Variants in METAP2 observed in about 807,000 individuals in gnomAD.
METAP2 encodes the protein methionyl aminopeptidase 2.
Under a neutral mutation model 59.4 loss-of-function variants are expected in METAP2, and 25 were observed. That is an observed-to-expected ratio of 0.42 (90% CI 0.31 to 0.59). METAP2 has a LOEUF of 0.59. Among genes scored for constraint, METAP2 ranks in the 20% least tolerant of loss-of-function variants. The pLI is 0.16. For missense variants in METAP2, 366 were observed against 581.2 expected (o/e 0.63, Z 3.81); for synonymous variants, 214 against 194.1 (o/e 1.10, Z -0.85).
chr12:95,478,474 T>C (rs544444534), intron 2 of METAP2, among the ~76,000 whole-genome samples: 2 of 151,990 alleles, frequency 1.3e-5, no homozygotes, highest in South Asian at 4.2e-4. Flanking sequence ...CTACTAAAAA[T>C]ACAAAAAATT....
In METAP2 at chr12:95,511,969, G is replaced by A. The variant is rs778521665; in HGVS notation, c.1039G>A (p.Val347Met). The change falls in exon 9 of 11, where the codon GTG becomes ATG. Residue 347 changes from valine (V) to methionine (M), a missense_variant. By Grantham distance (21) the Val-to-Met change is conservative. Around this residue, in one of 4 missense-constraint regions of METAP2, gnomAD observed 1 missense variants for 22.7 expected, o/e 0.04. Transcript: ENST00000323666. ...RIHAGKTVPI[V>M]KGGEATRMEE... is the part of the protein sequence containing the mutation. ...ACATGCTGGAAAAACAGTGCCGATT[G>A]TGAAAGGAGGGGAGGCAACAAGAAT... 1 of 1,613,138 alleles carries A rather than the reference G, an allele frequency of 6.2e-7. No homozygotes were observed. The highest frequency in any genetic ancestry group is 1.3e-5 in the African/African-American group (1 of 74,866).
chr12:95,488,538 A>AAAAAAAAAAAC (rs2076214841), intron 4 of METAP2, among the ~76,000 whole-genome samples: 1 of 148,664 alleles, frequency 6.7e-6, no homozygotes, highest in African/African-American at 2.5e-5. Context: ...AAAAAAAAAA[A>AAAAAAAAAAAC]ATACTTCTGA....
intron 3 of METAP2, chr12:95,484,983 C>T: frequency 7.1e-6 from 3 of 425,226 alleles, no homozygotes; most frequent in African/African-American, 2.1e-5. Context: ...TGTAACAAGC[C>T]AAATAATATA....
intron 6 of METAP2, 35 bp downstream of exon 6, chr12:95,495,173 C>T: frequency 6.5e-7 from 1 of 1,549,740 alleles, no homozygotes; most frequent in South Asian, 1.2e-5. Flanking sequence ...CCCCAGCCTC[C>T]TCCTGAAAAA....
At chr12:95,496,133 A>G (rs1439044612) in intron 7 of METAP2, 35 bp downstream of exon 7, 2 of 1,396,952 alleles carry the variant, frequency 1.4e-6, no homozygotes, top group African/African-American at 1.4e-5. Flanking sequence ...CATTCCCAAT[A>G]TTTTGAGCAC....
In METAP2 at chr12:95,506,795, C is replaced by CTTCT. The variant is rs142865586; in HGVS notation, c.964+2636_964+2637insCTTT. 3.3e-3 allele frequency among the ~76,000 whole-genome samples: 479 copies of CTTCT among 147,334 alleles called. 2 individuals carry two copies. Among genetic ancestry groups the CTTCT allele is most frequent in the African/African-American group, 0.012 (467 of 39,978 alleles). ...GTGAACACAAGTGCAAAGCAGAATA[C>CTTCT]TTATTTATTTATTTATTTATTTATT... is the stretch of plus-strand genomic sequence containing the variant. On this transcript the variant is annotated intron_variant, in intron 8 of 10. Transcript: ENST00000323666.
In METAP2 at chr12:95,474,157, T is replaced by G; in HGVS notation, c.-23T>G. 1.9e-6 allele frequency: 3 copies of G among 1,612,310 alleles called. No homozygotes were observed. The highest frequency in any genetic ancestry group is 2.5e-6 in the Non-Finnish European group (3 of 1,179,256). On this transcript the variant is annotated 5_prime_UTR_variant, in exon 1 of 11. The change creates a new upstream start codon in the 5' untranslated region. Transcript: ENST00000323666. ...CGGGGCCCTCGCCGCTCTGTCTCAT[T>G]CCCTCGCGCTCTCTCGGGCAACATG...
intron 8 of METAP2, among the ~76,000 whole-genome samples, chr12:95,510,606 A>G (rs1190391676): frequency 1.3e-5 from 2 of 152,228 alleles, no homozygotes; most frequent in African/African-American, 4.8e-5. Flanking sequence ...ACTGGGGATG[A>G]AATTCCCAAT....
chr12:95,478,876 A>G (rs1020126655), intron 2 of METAP2, among the ~76,000 whole-genome samples: 1 of 152,058 alleles, frequency 6.6e-6, no homozygotes, highest in African/African-American at 2.4e-5. Context: ...AGCTTGCCAT[A>G]TGAGGTGATA....
At chr12:95,501,634 G>C (rs1028422211) in intron 7 of METAP2, among the ~76,000 whole-genome samples, 4 of 151,776 alleles carry the variant, frequency 2.6e-5, no homozygotes, top group Admixed American at 2.6e-4. Context: ...AGAATGGCTT[G>C]TACCCAGGAG....
At chr12:95,513,458 G>A (rs780027735) in intron 10 of METAP2, among the ~76,000 whole-genome samples, 194 bp from the exon 11 acceptor site, 6 of 152,172 alleles carry the variant, frequency 3.9e-5, no homozygotes, top group Non-Finnish European at 8.8e-5. Flanking sequence ...CCTCCAGCTG[G>A]TGTCCTATTC....
intron 2 of METAP2, 42 bp downstream of exon 2, chr12:95,476,220 A>G (rs1240216252): frequency 2.4e-5 from 33 of 1,386,822 alleles, no homozygotes; most frequent in Non-Finnish European, 3.2e-5. Flanking sequence ...AAAGCTAGAA[A>G]ATGTAGCCGG....
In METAP2 at chr12:95,494,245, A is replaced by G. The variant is rs760581075; in HGVS notation, c.590+28A>G. On this transcript the variant is annotated intron_variant, in intron 5 of 10. Transcript: ENST00000323666. ...AAAAGGAATACTTCTTCGTAAGAAC[A>G]TGATAAAAAATGTTTTATTAAGTAC... is the stretch of plus-strand genomic sequence containing the variant. 11 of 1,592,892 alleles carry G rather than the reference A, an allele frequency of 6.9e-6. No individual in the cohort carries two copies. The South Asian group carries it at 9.0e-5, about 13-fold the overall frequency.
chr12:95,498,817 T>C (rs1385428284), intron 7 of METAP2, among the ~76,000 whole-genome samples: 1 of 152,060 alleles, frequency 6.6e-6, no homozygotes, highest in Non-Finnish European at 1.5e-5. Flanking sequence ...AGTTAAAGTC[T>C]AGCCTGGGTA....
At chr12:95,485,790 A>C in intron 3 of METAP2, 89 bp from the exon 4 acceptor site, 1 of 845,414 alleles carries the variant, frequency 1.2e-6, no homozygotes, top group Non-Finnish European at 1.8e-6. Flanking sequence ...ATCAGAACAT[A>C]TAACAACCAT....
Position 95,514,030 on chromosome 12 carries a change from TA to T in METAP2, c.*132del, listed in dbSNP as rs1565788502. 1.7e-6 allele frequency: 2 copies of T among 1,158,910 alleles called. No homozygotes were observed. Among genetic ancestry groups the T allele is most frequent in the Admixed American group, 3.0e-5 (1 of 33,554 alleles). 71.8% of individuals were successfully genotyped at this position (1,158,910 alleles called of 1,614,324 possible). A position where few individuals can be genotyped will look rare whatever the true frequency, so the allele number is the denominator to read the frequency against. On this transcript the variant is annotated 3_prime_UTR_variant, in exon 11 of 11. Transcript: ENST00000323666. ...CCCATGTAATACTTTTATCCATGTT[TA>T]AAAAAGAAGGAATTTGGACAAAGGC...
In METAP2 at chr12:95,477,344, G is replaced by A. The variant is rs532176331; in HGVS notation, c.259+1166G>A. ...GACCTCAAGTAATCTGCCCACCTCA[G>A]CCTCCCAAGGTGCTGGGATTACAGG... On this transcript the variant is annotated intron_variant, in intron 2 of 10. Transcript: ENST00000323666. 7.9e-5 allele frequency among the ~76,000 whole-genome samples: 12 copies of A among 152,240 alleles called. No homozygotes were observed. In the East Asian group the frequency reaches 2.1e-3, roughly 27 times the overall value.
Position 95,480,515 on chromosome 12 carries a change from C to T in METAP2, c.260-2700C>T, listed in dbSNP as rs995580946. Among the ~76,000 whole-genome samples, 10 of 152,268 alleles carry T rather than the reference C, an allele frequency of 6.6e-5. No homozygotes were observed. In the South Asian group the frequency reaches 1.9e-3, roughly 28 times the overall value. On this transcript the variant is annotated intron_variant, in intron 2 of 10. Transcript: ENST00000323666. ...GTTGAGAGTTTCAGGTTGTTCGTAT[C>T]CTTGTAAGGACTTGGTATTTGTTTT...
chr12:95,480,200 G>A (rs940481282), intron 2 of METAP2, among the ~76,000 whole-genome samples: 2 of 152,172 alleles, frequency 1.3e-5, no homozygotes, highest in African/African-American at 4.8e-5. Flanking sequence ...ACTTTTGACA[G>A]TCATCGAGTT....
Sources: allele counts gnomAD v4.1 joint callset (sites outside exome capture counted in the v4.1 genomes callset), GRCh38; gene constraint gnomAD v4.1.1; regional missense constraint gnomAD v4.1.1; transcripts MANE v1.5; gene names NCBI Gene and HGNC (gene_info 2026-07-23, HGNC 2026-07-21).